The following MAST4 variants were observed in gnomAD, a reference collection of about 807,000 sequenced individuals.
MAST4 encodes the protein microtubule associated serine/threonine kinase family member 4.
Under a neutral mutation model 162.7 loss-of-function variants are expected in MAST4, and 89 were observed. The observed-to-expected ratio is 0.55, with a 90% CI of 0.46 to 0.65. The LOEUF is 0.65. Ranked by LOEUF, MAST4 falls within the 30% of genes least tolerant of loss-of-function variation. The pLI is 0.00. For missense variants in MAST4, 3,153 were observed against 3,374.0 expected, an observed-to-expected ratio of 0.93 and a Z score of 1.62; for synonymous variants, 1,479 against 1,361.1, an observed-to-expected ratio of 1.09 and a Z score of -1.91.
intron 4 of MAST4, among the ~76,000 whole-genome samples, chr5:67,042,148 C>G (rs1347694000): frequency 1.3e-5 from 2 of 152,208 alleles, no homozygotes; most frequent in Admixed American, 1.3e-4. Flanking sequence ...CCATATGTCT[C>G]ATGCAGATTT....
chr5:66,802,211 T>C (rs1232003587), intron 3 of MAST4, among the ~76,000 whole-genome samples: 1 of 152,248 alleles, frequency 6.6e-6, no homozygotes, highest in African/African-American at 2.4e-5. Flanking sequence ...TAATTTGATT[T>C]CTATTCTTTC....
intron 12 of MAST4, 69 bp downstream of exon 12, chr5:67,114,288 T>A: frequency 6.6e-7 from 1 of 1,517,974 alleles, no homozygotes; most frequent in Non-Finnish European, 8.9e-7. Context: ...GAAATCTAAG[T>A]GGCAAGTCTT....
intron 3 of MAST4, among the ~76,000 whole-genome samples, chr5:66,827,103 TC>T (rs1449147147): frequency 6.6e-6 from 1 of 152,236 alleles, no homozygotes; most frequent in African/African-American, 2.4e-5. Context: ...TGGCCCTTTC[TC>T]CTCTCTTAAG....
At chr5:66,823,975 T>A (rs1211963719) in intron 3 of MAST4, among the ~76,000 whole-genome samples, 5 of 152,210 alleles carry the variant, frequency 3.3e-5, no homozygotes, top group Non-Finnish European at 1.5e-5. Context: ...TCCTTTGTAA[T>A]CTTTTATGAG....
chr5:66,882,347 C>T (rs541846982), intron 3 of MAST4, among the ~76,000 whole-genome samples: 3 of 152,256 alleles, frequency 2.0e-5, no homozygotes, highest in African/African-American at 7.2e-5. Flanking sequence ...CTTTTCTCTC[C>T]TGGGACCCCA....
At chr5:66,629,203 G>A (rs1388748058) in intron 1 of MAST4, among the ~76,000 whole-genome samples, 1 of 152,136 alleles carries the variant, frequency 6.6e-6, no homozygotes, top group African/African-American at 2.4e-5. Context: ...ACTGGAATCC[G>A]TTTAGATAAA....
intron 14 of MAST4, among the ~76,000 whole-genome samples, chr5:67,123,332 A>C (rs1314865601): frequency 2.0e-5 from 3 of 152,242 alleles, no homozygotes; most frequent in African/African-American, 7.2e-5. Context: ...AATTCATGTT[A>C]TAAAGCCAAT....
chr5:66,991,852 A>G (rs1174581692), intron 4 of MAST4, among the ~76,000 whole-genome samples: 1 of 152,226 alleles, frequency 6.6e-6, no homozygotes, highest in Non-Finnish European at 1.5e-5. Context: ...ATGTGCCTCC[A>G]TGAGCCCTCA....
rs551414339 is a variant in MAST4, at chr5:66,694,306, C to T, written c.364-65403C>T. 2.1e-3 allele frequency among the ~76,000 whole-genome samples: 326 copies of T among 152,118 alleles called. 1 individual carries two copies. The highest frequency in any genetic ancestry group is 7.3e-3 in the African/African-American group (302 of 41,492). Reference sequence around the variant, plus strand: ...CAGTAAAAGTGTGCTGAAGGTCCACCCCTTTCAGTGGTTTCTGGCAGCCAA... The same window carrying T: ...CAGTAAAAGTGTGCTGAAGGTCCACTCCTTTCAGTGGTTTCTGGCAGCCAA... On this transcript the variant is annotated intron_variant, in intron 1 of 28. Coordinates refer to ENST00000403625, the MANE Select transcript of MAST4 (RefSeq NM_001164664.2).
intron 4 of MAST4, among the ~76,000 whole-genome samples, chr5:66,941,245 C>T (rs1463530026): frequency 6.6e-6 from 1 of 152,086 alleles, no homozygotes; most frequent in Non-Finnish European, 1.5e-5. Context: ...GTCAGGCTGT[C>T]CTTTGAAGTT....
chr5:66,599,485 T>C (rs541937241), intron 1 of MAST4, among the ~76,000 whole-genome samples: 5 of 152,320 alleles, frequency 3.3e-5, no homozygotes, highest in African/African-American at 1.2e-4. Context: ...ATGGGAATAA[T>C]AGCATTAGAG....
chr5:67,144,661 C>T lies in MAST4; in HGVS notation c.2731-8C>T, dbSNP rs376230477. 344 of 1,612,506 alleles carry T rather than the reference C, an allele frequency of 2.1e-4. 1 individual carries two copies. The African/African-American group carries it at 4.2e-3, about 20-fold the overall frequency. ...GATATTAATAAGCACCAATTATTTG[C>T]CTTCCAGGTTTTCAGCAGTATAGAT... On this transcript the variant is annotated splice_region_variant and splice_polypyrimidine_tract_variant and intron_variant, in intron 21 of 28. Coordinates refer to ENST00000403625, the MANE Select transcript of MAST4 (RefSeq NM_001164664.2).
intron 1 of MAST4, among the ~76,000 whole-genome samples, chr5:66,611,504 G>T (rs1743286610): frequency 1.3e-5 from 2 of 152,220 alleles, no homozygotes; most frequent in Admixed American, 1.3e-4. Context: ...TCTTCTAAGA[G>T]ATGGCAAAGG....
At chr5:66,651,446 A>G (rs1746214125) in intron 1 of MAST4, among the ~76,000 whole-genome samples, 1 of 152,056 alleles carries the variant, frequency 6.6e-6, no homozygotes, top group South Asian at 2.1e-4. Flanking sequence ...AGTAGCATTG[A>G]TATCTTCATA....
intron 4 of MAST4, among the ~76,000 whole-genome samples, chr5:66,934,698 A>G (rs1029249116): frequency 2.6e-5 from 4 of 151,834 alleles, no homozygotes; most frequent in African/African-American, 9.7e-5. Flanking sequence ...ATTTTTTGGT[A>G]TTTGGCTTTG....
rs561166334 is a variant in MAST4 at position 67,126,625 on chromosome 5, C to T, written c.1746-3585C>T. On this transcript the variant is annotated intron_variant, in intron 14 of 28. Transcript: ENST00000403625. ...TGTATATCTGTTTTGGTACCAGTAC[C>T]ATGCTGTTTTTCTTATGGTAGCCTT... is the stretch of plus-strand genomic sequence containing the variant. Among the ~76,000 whole-genome samples, 5 of 152,250 alleles carry T rather than the reference C, an allele frequency of 3.3e-5. No homozygotes were observed. The East Asian group carries it at 9.6e-4, about 29-fold the overall frequency.
chr5:67,056,194 G>C (rs1471479983), intron 5 of MAST4, among the ~76,000 whole-genome samples: 3 of 151,972 alleles, frequency 2.0e-5, no homozygotes, highest in Non-Finnish European at 4.4e-5. Flanking sequence ...TTAGGGAGCG[G>C]GTGTAAGCAG....
chr5:66,735,093 AATGCAGTTTATGTAG>A (rs1752080862), intron 1 of MAST4, among the ~76,000 whole-genome samples: 1 of 152,224 alleles, frequency 6.6e-6, no homozygotes. Context: ...TGACAGCATA[AATGCAGTTTATGTAG>A]AGAAACTGAG....
intron 1 of MAST4, among the ~76,000 whole-genome samples, chr5:66,673,533 T>TTG (rs1371259082): frequency 1.3e-5 from 2 of 149,318 alleles, no homozygotes; most frequent in Non-Finnish European, 3.0e-5. Context: ...GTTTTTTGTT[T>TTG]TTTTTTTTTT....
Sources: allele counts gnomAD v4.1 joint callset (sites outside exome capture counted in the v4.1 genomes callset), GRCh38; gene constraint gnomAD v4.1.1; transcripts MANE v1.5; gene names NCBI Gene and HGNC (gene_info 2026-07-23, HGNC 2026-07-21).